The following LRRC36 variants were observed in gnomAD, a reference collection of about 807,000 sequenced individuals.
LRRC36 encodes leucine-rich repeat-containing protein 36.
LRRC36 carries 62 observed loss-of-function variants against 81.1 expected under a neutral mutation model. The ratio of observed to expected loss-of-function variants is 0.76; its 90% CI spans 0.62 to 0.94. The LOEUF is 0.94. Among genes scored for constraint, LRRC36 ranks in the 40% least tolerant of loss-of-function variants. The probability of loss-of-function intolerance (pLI) is 0.00; values close to 1 mark genes in which losing one functional copy is unlikely to be tolerated. For missense variants in LRRC36, 761 were observed against 881.7 expected, an observed-to-expected ratio of 0.86 and a Z score of 1.73; for synonymous variants, 334 against 348.6, an observed-to-expected ratio of 0.96 and a Z score of 0.47.
chr16:67,370,648 A>G (rs1057287783), intron 8 of LRRC36, among the ~76,000 whole-genome samples: 6 of 152,014 alleles, frequency 3.9e-5, no homozygotes, highest in Non-Finnish European at 7.4e-5. Context: ...AAAAAAAAAA[A>G]AAAATCAGAA....
chr16:67,350,880 A>G (rs2038596370), intron 5 of LRRC36, among the ~76,000 whole-genome samples: 2 of 152,106 alleles, frequency 1.3e-5, no homozygotes, highest in African/African-American at 2.4e-5. Context: ...CTCTACTAAA[A>G]ATACAAAATT....
chr16:67,378,256 T>C (rs1418658216), intron 11 of LRRC36, among the ~76,000 whole-genome samples: 3 of 148,732 alleles, frequency 2.0e-5, no homozygotes, highest in Non-Finnish European at 4.4e-5. Flanking sequence ...TTTTTTTTTT[T>C]TGAGACGGAT....
chr16:67,339,104 A>G (rs1164097688), intron 1 of LRRC36, among the ~76,000 whole-genome samples: 1 of 151,238 alleles, frequency 6.6e-6, no homozygotes, highest in African/African-American at 2.4e-5. Context: ...CATGTTGGCC[A>G]GGCTGGTCTC....
At chr16:67,332,003 A>G (rs1435739890) in intron 1 of LRRC36, among the ~76,000 whole-genome samples, 1 of 152,164 alleles carries the variant, frequency 6.6e-6, no homozygotes, top group Non-Finnish European at 1.5e-5. Flanking sequence ...AAAAAAAGAA[A>G]AAGAAAAAGT....
intron 1 of LRRC36, among the ~76,000 whole-genome samples, chr16:67,334,470 G>A (rs745596824): frequency 6.6e-5 from 10 of 152,068 alleles, no homozygotes; most frequent in Non-Finnish European, 1.0e-4. Flanking sequence ...GACTGCAGGC[G>A]TGTGCCACCA....
intron 1 of LRRC36, among the ~76,000 whole-genome samples, chr16:67,335,034 AC>A (rs2037692778): frequency 1.3e-5 from 2 of 152,308 alleles, no homozygotes; most frequent in African/African-American, 2.4e-5. Context: ...GGACCACAGG[AC>A]CGGGGTGAAA....
intron 9 of LRRC36, among the ~76,000 whole-genome samples, chr16:67,373,766 A>G (rs2039765569): frequency 6.7e-6 from 1 of 148,732 alleles, no homozygotes; most frequent in Non-Finnish European, 1.5e-5. Flanking sequence ...TAATCCCAGC[A>G]CTTTGCGAGG....
chr16:67,372,613 G>T (rs1317226271), intron 9 of LRRC36, among the ~76,000 whole-genome samples: 1 of 152,148 alleles, frequency 6.6e-6, no homozygotes, highest in African/African-American at 2.4e-5. Flanking sequence ...TTGTACCCAA[G>T]AACCTTTGCC....
In LRRC36 at chr16:67,367,363, C is replaced by T; in HGVS notation, c.1101C>T (p.Asp367=). Residue 367 remains aspartate (D), a synonymous_variant, in exon 8 of 14, where the codon GAC becomes GAT. Coordinates refer to ENST00000329956, the MANE Select transcript of LRRC36 (RefSeq NM_018296.6). ...AGTATAGCATAAAGCCTTCAAATGA[C>T]ATAAAGACCACCGCTTCACATTCCT... ...YQEYSIKPSN[D]IKTTASHSCG... 1.2e-6 allele frequency: 2 copies of T among 1,614,084 alleles called. No individual in the cohort carries two copies. The highest frequency in any genetic ancestry group is 1.7e-6 in the Non-Finnish European group (2 of 1,179,978).
rs1597499053 is a variant in LRRC36 at position 67,375,246 on chromosome 16, G to A, written c.1495-1G>A. 1 of 1,609,368 alleles carries A rather than the reference G, an allele frequency of 6.2e-7. No individual in the cohort carries two copies. The highest frequency in any genetic ancestry group is 8.5e-7 in the Non-Finnish European group (1 of 1,179,176). ...GTTTTTGCTTTTTTTTTTCTCTTGA[G>A]CCTCTCTCTAGTGACCTGGGTAGTT... is the stretch of plus-strand genomic sequence containing the variant. On this transcript the variant is annotated splice_acceptor_variant, in intron 9 of 13. Transcript: ENST00000329956. LOFTEE classifies it high-confidence loss of function.
intron 1 of LRRC36, among the ~76,000 whole-genome samples, chr16:67,333,368 G>A (rs1369193692): frequency 6.6e-6 from 1 of 152,132 alleles, no homozygotes; most frequent in Non-Finnish European, 1.5e-5. Flanking sequence ...CTGACTTCAA[G>A]TGATCCACCT....
At chr16:67,350,157 CTTT>C (rs35595978) in intron 4 of LRRC36, 42 bp from the exon 5 acceptor site, 1,033 of 1,129,388 alleles carry the variant, frequency 9.1e-4, no homozygotes, top group South Asian at 1.7e-3. Context: ...TCTCAGAAGC[CTTT>C]TTTTTTTTTT....
At chr16:67,330,862 CTAAA>C (rs370088844) in intron 1 of LRRC36, among the ~76,000 whole-genome samples, 1 of 151,642 alleles carries the variant, frequency 6.6e-6, no homozygotes, top group African/African-American at 2.4e-5. Flanking sequence ...GAGACTCAGT[CTAAA>C]TAAATAAATA....
Position 67,346,382 on chromosome 16 carries a change from G to C in LRRC36, c.325G>C (p.Val109Leu). The C allele has an allele frequency of 2.5e-6, 4 of 1,613,294 alleles. No individual in the cohort carries two copies. Among genetic ancestry groups the C allele is most frequent in the Non-Finnish European group, 3.4e-6 (4 of 1,179,434 alleles). ...LKELDLRLNP[V>L]VRKDTDYRLF... ...AGAACTGGATTTGAGACTTAATCCT[G>C]TTGTAAGGAAAGATACAGATTATAG... Residue 109 changes from valine to leucine, a missense_variant, in exon 3 of 14, where the codon GTT (valine) becomes CTT (leucine). Around this residue, in one of 3 missense-constraint regions of LRRC36, gnomAD observed 263 missense variants for 279.3 expected, o/e 0.94. Transcript: ENST00000329956.
At chr16:67,340,854 T>TCTATAGAATATATACTACATATACG (rs2038007907) in intron 1 of LRRC36, among the ~76,000 whole-genome samples, 1 of 136,088 alleles carries the variant, frequency 7.3e-6, no homozygotes, top group Admixed American at 7.2e-5. Context: ...CCACATATAC[T>TCTATAGAATATATACTACATATACG]CTATAGAATA....
intron 1 of LRRC36, among the ~76,000 whole-genome samples, chr16:67,330,417 T>C (rs1389978827): frequency 6.6e-6 from 1 of 152,108 alleles, no homozygotes; most frequent in Non-Finnish European, 1.5e-5. Flanking sequence ...TGAGGTACAG[T>C]TTGTATAGGA....
chr16:67,371,460 C>A, intron 9 of LRRC36: 1 of 580,868 alleles, frequency 1.7e-6, no homozygotes, highest in Non-Finnish European at 3.1e-6. Flanking sequence ...ACCTATATCA[C>A]AGGGAGAACT....
At chr16:67,331,090 AG>A (rs2037467055) in intron 1 of LRRC36, among the ~76,000 whole-genome samples, 1 of 151,024 alleles carries the variant, frequency 6.6e-6, no homozygotes, top group Non-Finnish European at 1.5e-5. Context: ...AGAGAGAGAG[AG>A]AGAGAGAGAG....
intron 1 of LRRC36, among the ~76,000 whole-genome samples, chr16:67,329,135 C>G (rs1470169018): frequency 6.6e-6 from 1 of 152,044 alleles, no homozygotes. Flanking sequence ...TCTTGAACTC[C>G]TGACCTCAAG....
Sources: allele counts gnomAD v4.1 joint callset (sites outside exome capture counted in the v4.1 genomes callset), GRCh38; gene constraint gnomAD v4.1.1; regional missense constraint gnomAD v4.1.1; transcripts MANE v1.5; gene names NCBI Gene and HGNC (gene_info 2026-07-23, HGNC 2026-07-21).